The following RADIL variants were observed in gnomAD, a reference collection of about 807,000 sequenced individuals.
The protein encoded by RADIL is ras-associating and dilute domain-containing protein.
In RADIL, 99 loss-of-function variants were observed where a neutral mutation model predicts 97.6. The observed-to-expected ratio is 1.01, with a 90% CI of 0.86 to 1.20. RADIL has a LOEUF of 1.20. RADIL is among the 50% of genes most tolerant of loss of function. The probability of loss-of-function intolerance (pLI) is 0.00; values close to 1 mark genes in which losing one functional copy is unlikely to be tolerated. For synonymous variants in RADIL, 803 were observed against 691.8 expected (o/e 1.16, Z -2.52); for missense variants, 1,765 against 1,498.9 (o/e 1.18, Z -2.93).
At chr7:4,808,410 C>T (rs77757724) in intron 9 of RADIL, among the ~76,000 whole-genome samples, 2,690 of 152,170 alleles carry the variant, frequency 0.018, 36 homozygotes, top group Middle Eastern at 0.051. Flanking sequence ...ATAAGTGACT[C>T]TTTCACTAAG....
intron 4 of RADIL, 56 bp from the exon 5 acceptor site, chr7:4,832,234 C>T (rs779845685): frequency 1.4e-5 from 22 of 1,533,284 alleles, no homozygotes; most frequent in Middle Eastern, 1.7e-4. Flanking sequence ...AACACAGGGA[C>T]GCGTTCAAAT....
intron 1 of RADIL, among the ~76,000 whole-genome samples, chr7:4,882,832 C>G (rs1784513477): frequency 6.6e-6 from 1 of 152,198 alleles, no homozygotes. Flanking sequence ...CAAGAGGTGG[C>G]CTATATTAAC....
At chr7:4,848,106 A>G (rs547133624) in intron 2 of RADIL, among the ~76,000 whole-genome samples, 1 of 151,990 alleles carries the variant, frequency 6.6e-6, no homozygotes, top group Admixed American at 6.6e-5. Flanking sequence ...CTGAATCGGG[A>G]GGACTGCTTG....
In RADIL at chr7:4,861,014, G is replaced by A. The variant is rs368458350; in HGVS notation, c.535+16591C>T. Reference sequence around the variant, plus strand: ...GAAGAATTTCCGTACAAGAGTTGACGCTACTGCATTTGGATAAAGCTGACA... The same window carrying A: ...GAAGAATTTCCGTACAAGAGTTGACACTACTGCATTTGGATAAAGCTGACA... On this transcript the variant is annotated intron_variant, in intron 2 of 14. Transcript: ENST00000399583. The A allele has an allele frequency of 1.7e-5, 27 of 1,614,072 alleles. No homozygotes were observed. Among genetic ancestry groups the A allele is most frequent in the African/African-American group, 1.2e-4 (9 of 74,914 alleles).
intron 10 of RADIL, among the ~76,000 whole-genome samples, chr7:4,804,787 G>C (rs957057007): frequency 6.8e-6 from 1 of 147,440 alleles, no homozygotes; most frequent in Non-Finnish European, 1.5e-5. Flanking sequence ...CTCTGTCTCA[G>C]TCAATCAATC....
At chr7:4,832,908 C>A (rs915469740) in intron 4 of RADIL, among the ~76,000 whole-genome samples, 2 of 152,130 alleles carry the variant, frequency 1.3e-5, no homozygotes, top group Non-Finnish European at 2.9e-5. Flanking sequence ...GAAACAAACG[C>A]GCAAATGATA....
At chr7:4,801,111 A>C (rs1016307598) in intron 12 of RADIL, among the ~76,000 whole-genome samples, 6 of 151,678 alleles carry the variant, frequency 4.0e-5, no homozygotes, top group African/African-American at 7.3e-5. Context: ...TGCACACACA[A>C]TGCACACCAT....
Position 4,799,302 on chromosome 7 carries a change from G to T in RADIL, c.*76C>A, listed in dbSNP as rs112970526. ...CCAACTTGGTCAGTTACAAAACAGGGACGAAGGCGGGAGGAAGCCCAGTGT... is the reference window on the plus strand; with the variant it reads ...CCAACTTGGTCAGTTACAAAACAGGTACGAAGGCGGGAGGAAGCCCAGTGT... On this transcript the variant is annotated 3_prime_UTR_variant, in exon 15 of 15. Coordinates refer to ENST00000399583, the MANE Select transcript of RADIL (RefSeq NM_018059.5). The T allele has an allele frequency of 1.4e-6, 2 of 1,457,728 alleles. No individual in the cohort carries two copies. Among genetic ancestry groups the T allele is most frequent in the African/African-American group, 1.4e-5 (1 of 71,894 alleles). The allele number at this position is 1,457,728 out of a possible 1,614,324, so 90.3% of individuals were successfully genotyped here.
rs747977114 is a variant in RADIL at position 4,799,497 on chromosome 7, C to CAGAGGT, written c.3123-20_3123-15dup. ...AGGTCCACAGCTCTGAAATCCATGC[C>CAGAGGT]AGAGGTGGGGGTGGGCAGGAGGGCA... On this transcript the variant is annotated splice_polypyrimidine_tract_variant and intron_variant, in intron 14 of 14. Coordinates refer to ENST00000399583, the MANE Select transcript of RADIL (RefSeq NM_018059.5). 1 of 1,613,794 alleles carries CAGAGGT rather than the reference C, an allele frequency of 6.2e-7. No individual in the cohort carries two copies. The highest frequency in any genetic ancestry group is 2.2e-5 in the East Asian group (1 of 44,876).
chr7:4,798,003 TATA>T lies in RADIL; in HGVS notation c.*1372_*1374del, dbSNP rs200752152. On this transcript the variant is annotated 3_prime_UTR_variant, in exon 15 of 15. Transcript: ENST00000399583. ...AAAAAAATTAAATATTTATATTTTATATAATAAAATATAAAAAATGTTTATAAA... is the reference window on the plus strand; with the variant it reads ...AAAAAAATTAAATATTTATATTTTATATAAAATATAAAAAATGTTTATAAA... 2.0e-5 allele frequency: 3 copies of T among 146,496 alleles called. No individual in the cohort carries two copies. Among genetic ancestry groups the T allele is most frequent in the Non-Finnish European group, 4.5e-5 (3 of 67,356 alleles). The allele number at this position is 146,496 out of a possible 1,614,324, so 9.1% of individuals were successfully genotyped here.
intron 4 of RADIL, among the ~76,000 whole-genome samples, chr7:4,833,542 G>A (rs373697659): frequency 1.3e-5 from 2 of 152,206 alleles, no homozygotes; most frequent in African/African-American, 4.8e-5. Flanking sequence ...GCACAGAGAC[G>A]GCTCCCACTG....
chr7:4,882,290 A>T (rs1784503339), intron 1 of RADIL: 1 of 152,236 alleles, frequency 6.6e-6, no homozygotes, highest in Non-Finnish European at 1.5e-5. Flanking sequence ...AGTGCAGGAA[A>T]ATCCGACCGG....
chr7:4,838,879 C>T (rs1783369993), intron 2 of RADIL, among the ~76,000 whole-genome samples: 1 of 152,256 alleles, frequency 6.6e-6, no homozygotes, highest in Non-Finnish European at 1.5e-5. Flanking sequence ...ACTGACCACG[C>T]CACTCTGCTC....
At position 4,837,804 on chromosome 7, in the gene RADIL, G is replaced by T; in HGVS notation, c.536-1199C>A. The T allele has an allele frequency of 9.2e-6, 9 of 981,686 alleles. No individual in the cohort carries two copies. Among genetic ancestry groups the T allele is most frequent in the Non-Finnish European group, 1.1e-5 (9 of 826,620 alleles). 60.8% of individuals were successfully genotyped at this position (981,686 alleles called of 1,614,324 possible). On this transcript the variant is annotated intron_variant, in intron 2 of 14. Transcript: ENST00000399583. This position sits in a 1 kb window ranked among gnomAD's most constrained non-coding sequence, Gnocchi z 5.6. ...ATGCATGCTCTGGGAAAGCCAGCCG[G>T]CTGCGATAGATGAAAACCGCTCACC...
At chr7:4,808,101 C>T (rs1237146385) in intron 9 of RADIL, among the ~76,000 whole-genome samples, 1 of 130,524 alleles carries the variant, frequency 7.7e-6, no homozygotes, top group Non-Finnish European at 1.6e-5. Flanking sequence ...CCTCCTTCTT[C>T]CTCTCTTCCT....
chr7:4,831,218 G>A (rs538487137), intron 5 of RADIL, among the ~76,000 whole-genome samples: 22 of 150,464 alleles, frequency 1.5e-4, no homozygotes, highest in African/African-American at 4.1e-4. Context: ...AAAAAAGCAC[G>A]AGATCATGTC....
chr7:4,868,108 G>A (rs545784558), intron 2 of RADIL, among the ~76,000 whole-genome samples: 3 of 152,262 alleles, frequency 2.0e-5, no homozygotes, highest in African/African-American at 7.2e-5. Flanking sequence ...TGTCGCCCAG[G>A]CTGGAGTGCA....
At chr7:4,809,555 G>C (rs1419547446) in intron 9 of RADIL, 26 of 985,342 alleles carry the variant, frequency 2.6e-5, no homozygotes, top group Non-Finnish European at 3.0e-5. Flanking sequence ...GGCCCGCCCA[G>C]GCACCACGGC....
At chr7:4,832,448 A>C (rs1405231061) in intron 4 of RADIL, among the ~76,000 whole-genome samples, 1 of 152,208 alleles carries the variant, frequency 6.6e-6, no homozygotes, top group Non-Finnish European at 1.5e-5. Flanking sequence ...CTATTTAAAA[A>C]ATAGTAGAGG....
Sources: gnomAD v4.1 joint callset for allele counts (sites outside exome capture counted in the v4.1 genomes callset) on GRCh38, gnomAD v4.1.1 for gene constraint, Gnocchi (gnomAD v3.1) non-coding constraint, MANE v1.5 for transcripts, NCBI Gene and HGNC (gene_info 2026-07-23, HGNC 2026-07-21) for gene names.